The following DNM3 variants were observed in gnomAD, a reference collection of about 807,000 sequenced individuals.
DNM3 encodes dynamin 3, also known as dynamin-3.
Under a neutral mutation model 101.6 loss-of-function variants are expected in DNM3, and 47 were observed. The observed-to-expected ratio is 0.46, with a 90% CI of 0.37 to 0.59. DNM3 has a LOEUF of 0.59. Ranked by LOEUF, DNM3 falls within the 20% of genes least tolerant of loss-of-function variation. The pLI is 0.00. For missense variants in DNM3, 849 were observed against 1,085.7 expected (o/e 0.78, Z 3.06); for synonymous variants, 385 against 387.9 (o/e 0.99, Z 0.09).
In DNM3 at chr1:172,412,328, TAA is replaced by T. The variant is rs1272361794; in HGVS notation, c.*4491_*4492del. The T allele has an allele frequency of 1.0e-6, 1 of 985,490 alleles. No individual in the cohort carries two copies. The highest frequency in any genetic ancestry group is 1.2e-6 in the Non-Finnish European group (1 of 829,916). The allele number at this position is 985,490 out of a possible 1,614,324, so 61.0% of individuals were successfully genotyped here. On this transcript the variant is annotated 3_prime_UTR_variant, in exon 21 of 21. Transcript: ENST00000627582. ...CTTGCCTTGTCTGCTACCAGTTTGTTAAAAATTATTCCCCCCAACCAGTAATT... is the reference window on the plus strand; with the variant it reads ...CTTGCCTTGTCTGCTACCAGTTTGTTAAATTATTCCCCCCAACCAGTAATT...
chr1:171,894,781 C>T (rs961022970), intron 1 of DNM3, among the ~76,000 whole-genome samples: 1 of 140,844 alleles, frequency 7.1e-6, no homozygotes, highest in East Asian at 2.1e-4. Flanking sequence ...GTTCCCTGCC[C>T]TGTGTCCAAG....
intron 10 of DNM3, among the ~76,000 whole-genome samples, chr1:172,056,739 G>T (rs2050663362): frequency 6.6e-6 from 1 of 152,040 alleles, no homozygotes; most frequent in Non-Finnish European, 1.5e-5. Flanking sequence ...CACAAAGATG[G>T]GGAAAAAACA....
At chr1:171,970,950 T>C (rs2043947879) in intron 2 of DNM3, among the ~76,000 whole-genome samples, 1 of 152,142 alleles carries the variant, frequency 6.6e-6, no homozygotes, top group African/African-American at 2.4e-5. Context: ...CAGCATTACC[T>C]TTATGTTGAA....
intron 17 of DNM3, among the ~76,000 whole-genome samples, chr1:172,339,479 A>G (rs957212450): frequency 6.6e-6 from 1 of 152,168 alleles, no homozygotes; most frequent in African/African-American, 2.4e-5. Flanking sequence ...GCTCCTCAAA[A>G]TCGTGCAGTT....
intron 14 of DNM3, among the ~76,000 whole-genome samples, chr1:172,219,890 A>C (rs1369365678): frequency 6.6e-6 from 1 of 151,474 alleles, no homozygotes; most frequent in Non-Finnish European, 1.5e-5. Flanking sequence ...TTTATATCTT[A>C]ATTTTACTCT....
At chr1:172,164,293 C>T (rs2058670170) in intron 14 of DNM3, among the ~76,000 whole-genome samples, 1 of 139,496 alleles carries the variant, frequency 7.2e-6, no homozygotes, top group Admixed American at 7.5e-5. Flanking sequence ...TCTAAGGTGA[C>T]AGGCAGTGTT....
At chr1:171,966,990 T>A (rs1276811173) in intron 2 of DNM3, among the ~76,000 whole-genome samples, 2 of 152,068 alleles carry the variant, frequency 1.3e-5, no homozygotes, top group Non-Finnish European at 2.9e-5. Context: ...TGTTATGGAG[T>A]GTAGCAAGGG....
intron 14 of DNM3, among the ~76,000 whole-genome samples, chr1:172,241,179 AATTCTCAATTTAAAATTTTTC>A (rs1417044348): frequency 6.6e-5 from 10 of 151,632 alleles, no homozygotes; most frequent in African/African-American, 2.2e-4. Flanking sequence ...TCACACCTTG[AATTCTCAATTTAAAATTTTTC>A]ATGCATGGTA....
At chr1:172,254,067 A>G (rs1250593154) in intron 15 of DNM3, among the ~76,000 whole-genome samples, 1 of 152,046 alleles carries the variant, frequency 6.6e-6, no homozygotes, top group Non-Finnish European at 1.5e-5. Context: ...TCAGCCCTCT[A>G]GAGTAGCTGG....
At chr1:172,287,172 C>A (rs1342926514) in intron 15 of DNM3, among the ~76,000 whole-genome samples, 13 of 152,200 alleles carry the variant, frequency 8.5e-5, no homozygotes, top group Non-Finnish European at 7.3e-5. Flanking sequence ...ACTCATCACT[C>A]CCGCATTTTC....
rs148300913 is a variant in DNM3 at position 172,346,621 on chromosome 1, C to CA, written c.1893+23284dup. Among the ~76,000 whole-genome samples the CA allele has an allele frequency of 9.3e-3, 1,411 of 152,146 alleles. 31 individuals carry two copies. Among genetic ancestry groups the CA allele is most frequent in the African/African-American group, 0.032 (1,332 of 41,468 alleles). The stretch of plus-strand genomic sequence containing the variant: ...CAGACTTCTGTTTTAAACAGAAGGA[C>CA]AAATCAGACACCCTCATGGACATAT... On this transcript the variant is annotated intron_variant, in intron 17 of 20. Transcript: ENST00000627582.
chr1:172,355,750 G>A (rs1278965917), intron 17 of DNM3, among the ~76,000 whole-genome samples: 1 of 152,144 alleles, frequency 6.6e-6, no homozygotes, highest in African/African-American at 2.4e-5. Context: ...AAGATGGAAA[G>A]ATAGGAATGT....
chr1:172,039,816 G>T (rs1306129655), intron 7 of DNM3, among the ~76,000 whole-genome samples: 2 of 151,704 alleles, frequency 1.3e-5, no homozygotes, highest in Non-Finnish European at 1.5e-5. Context: ...ATCTCTTCAT[G>T]CACTCAGTGT....
Position 171,871,642 on chromosome 1 carries a change from T to C in DNM3, c.161+29825T>C, listed in dbSNP as rs145006124. 3.3e-4 allele frequency among the ~76,000 whole-genome samples: 50 copies of C among 152,346 alleles called. No homozygotes were observed. The East Asian group carries it at 5.6e-3, about 17-fold the overall frequency. Reference sequence around the variant, plus strand: ...AGTAACTATTGCTTTATTTCTATATTAGTGACCATATAAGTTACATACCCT... The same window carrying C: ...AGTAACTATTGCTTTATTTCTATATCAGTGACCATATAAGTTACATACCCT... On this transcript the variant is annotated intron_variant, in intron 1 of 20. Coordinates refer to ENST00000627582, the MANE Select transcript of DNM3 (RefSeq NM_015569.5).
At chr1:172,111,574 A>G (rs1314094883) in intron 13 of DNM3, among the ~76,000 whole-genome samples, 1 of 152,236 alleles carries the variant, frequency 6.6e-6, no homozygotes, top group Admixed American at 6.5e-5. Flanking sequence ...GCCTAAGTTC[A>G]CATAGCTAGT....
At position 172,387,292 on chromosome 1, in the gene DNM3, A is replaced by G; in HGVS notation, c.2218A>G (p.Ser740Gly). Reference protein sequence around the residue: ...KEALGIIGDISTATVSTPAPP... With the variant: ...KEALGIIGDIGTATVSTPAPP... ...AGCCCTTGGGATAATTGGGGACATC[A>G]GCACAGCCACCGTGTCCACTCCGGC... Residue 740 changes from serine to glycine, a missense_variant, in exon 19 of 21, where the codon AGC (serine) becomes GGC (glycine). Around this residue, in one of 5 missense-constraint regions of DNM3, gnomAD observed 256 missense variants for 311.7 expected, o/e 0.82. Coordinates refer to ENST00000627582, the MANE Select transcript of DNM3 (RefSeq NM_015569.5). The G allele has an allele frequency of 1.2e-6, 2 of 1,613,958 alleles. No homozygotes were observed. The highest frequency in any genetic ancestry group is 1.7e-6 in the Non-Finnish European group (2 of 1,179,876).
Position 172,388,712 on chromosome 1 carries a change from C to T in DNM3, c.2425C>T (p.Pro809Ser). ...HSGAPPVPFR[P>S]GPLPPFPSSS... ...TGGGGCTCCTCCAGTCCCATTCCGT[C>T]CAGGCCCATTACCTCCTTTCCCCAG... The change falls in exon 20 of 21, where the codon CCA becomes TCA. Residue 809 changes from proline to serine, a missense_variant. Pro to Ser is a moderately conservative substitution (Grantham distance 74). Transcript: ENST00000627582. The T allele has an allele frequency of 6.2e-7, 1 of 1,613,806 alleles. No homozygotes were observed. Among genetic ancestry groups the T allele is most frequent in the Non-Finnish European group, 8.5e-7 (1 of 1,179,830 alleles).
intron 1 of DNM3, among the ~76,000 whole-genome samples, chr1:171,915,247 G>A (rs1000093217): frequency 2.6e-5 from 4 of 152,154 alleles, no homozygotes; most frequent in African/African-American, 7.2e-5. Flanking sequence ...ACTAAGATTT[G>A]GATTTCATGC....
intron 13 of DNM3, 144 bp from the exon 14 acceptor site, chr1:172,131,031 T>C: frequency 1.5e-6 from 1 of 681,870 alleles, no homozygotes; most frequent in East Asian, 2.8e-5. Flanking sequence ...TTCTCTTGAA[T>C]AACTCAATGG....
Sources: gnomAD v4.1 joint callset for allele counts (sites outside exome capture counted in the v4.1 genomes callset) on GRCh38, gnomAD v4.1.1 for gene constraint, gnomAD v4.1.1 regional missense constraint, MANE v1.5 for transcripts, NCBI Gene and HGNC (gene_info 2026-07-23, HGNC 2026-07-21) for gene names.